Variants in UBE3A observed in about 807,000 individuals in gnomAD.
UBE3A encodes ubiquitin-protein ligase E3A.
UBE3A carries 6 observed loss-of-function variants against 83.4 expected under a neutral mutation model. The ratio of observed to expected loss-of-function variants is 0.07; its 90% confidence interval spans 0.04 to 0.14. UBE3A has a LOEUF of 0.14. Ranked by LOEUF, UBE3A falls within the 10% of genes least tolerant of loss-of-function variation. UBE3A has a pLI of 1.00. For missense variants in UBE3A, 456 were observed against 1,036.1 expected, an observed-to-expected ratio of 0.44 and a Z score of 7.69; for synonymous variants, 337 against 355.4, an observed-to-expected ratio of 0.95 and a Z score of 0.58.
At chr15:25,362,452 T>A (rs2078271286) in intron 6 of UBE3A, among the ~76,000 whole-genome samples, 1 of 152,186 alleles carries the variant, frequency 6.6e-6, no homozygotes, top group African/African-American at 2.4e-5. Flanking sequence ...GCGATTCAAT[T>A]AAGCCTCAGT....
intron 4 of UBE3A, among the ~76,000 whole-genome samples, chr15:25,385,803 G>C (rs139718802): frequency 1.5e-4 from 23 of 152,118 alleles, no homozygotes; most frequent in African/African-American, 5.5e-4. Context: ...ACAAATTGAT[G>C]AAGGCTCAGT....
At chr15:25,344,964 A>T (rs891776611) in intron 11 of UBE3A, among the ~76,000 whole-genome samples, 2 of 152,064 alleles carry the variant, frequency 1.3e-5, no homozygotes, top group African/African-American at 2.4e-5. Context: ...TATTATTATT[A>T]TTTTTTGTTT....
intron 1 of UBE3A, among the ~76,000 whole-genome samples, chr15:25,425,196 A>G (rs1335292088): frequency 6.6e-6 from 1 of 152,192 alleles, no homozygotes; most frequent in Non-Finnish European, 1.5e-5. Context: ...GGTAAGTAAA[A>G]GAACCCACAC....
intron 1 of UBE3A, among the ~76,000 whole-genome samples, chr15:25,423,310 G>A (rs1370363012): frequency 6.6e-6 from 1 of 152,082 alleles, no homozygotes; most frequent in Non-Finnish European, 1.5e-5. Flanking sequence ...CAAGGTAAAT[G>A]AGCAGTCCCT....
chr15:25,339,118 TA>T lies in UBE3A; in HGVS notation c.*18del. ...TTTTTTTCCTTCCTTTTTTTTGTTT[TA>T]TTTTGTTTTGTTTTGTTTTACAGCA... On this transcript the variant is annotated 3_prime_UTR_variant, in exon 13 of 13. Transcript: ENST00000648336. 6.6e-7 allele frequency: 1 copy of T among 1,509,772 alleles called. No homozygotes were observed. Among genetic ancestry groups the T allele is most frequent in the Non-Finnish European group, 8.8e-7 (1 of 1,131,828 alleles). 93.5% of individuals were successfully genotyped at this position (1,509,772 alleles called of 1,614,324 possible).
At chr15:25,393,814 G>A (rs1426812958) in intron 4 of UBE3A, 1 of 152,180 alleles carries the variant, frequency 6.6e-6, no homozygotes, top group Non-Finnish European at 1.5e-5. Context: ...ACTATGACTC[G>A]TGTCACTTCC....
rs1006070231 is a variant in UBE3A, at chr15:25,349,703, T to G, written c.2354+4650A>C. Among the ~76,000 whole-genome samples the G allele has an allele frequency of 5.9e-5, 9 of 152,354 alleles. No individual in the cohort carries two copies. The East Asian group carries it at 1.7e-3, about 29-fold the overall frequency. The stretch of plus-strand genomic sequence containing the variant: ...AACATATGATTTTTAAATTCTTTCC[T>G]TAAAGGAAGCACTTTCCAGCTTCTC... On this transcript the variant is annotated intron_variant, in intron 11 of 12. Transcript: ENST00000648336.
intron 1 of UBE3A, among the ~76,000 whole-genome samples, chr15:25,434,135 A>AATT (rs1427380345): frequency 2.0e-5 from 3 of 152,184 alleles, no homozygotes; most frequent in African/African-American, 7.2e-5. Context: ...TAGGCCTAAT[A>AATT]ATTAATAAGC....
intron 1 of UBE3A, among the ~76,000 whole-genome samples, chr15:25,432,017 G>A (rs1338704837): frequency 6.6e-6 from 1 of 152,106 alleles, no homozygotes; most frequent in African/African-American, 2.4e-5. Flanking sequence ...TTCATCCTTT[G>A]CTTTCTAAAG....
intron 1 of UBE3A, among the ~76,000 whole-genome samples, chr15:25,435,633 G>A (rs747237314): frequency 6.6e-6 from 1 of 152,150 alleles, no homozygotes; most frequent in Admixed American, 6.5e-5. Context: ...CAAGGGAAGA[G>A]GGCCCTCACT....
At chr15:25,348,108 C>CTTAT (rs1217929800) in intron 11 of UBE3A, among the ~76,000 whole-genome samples, 1 of 151,680 alleles carries the variant, frequency 6.6e-6, no homozygotes, top group East Asian at 1.9e-4. Context: ...ACAGAAAAAA[C>CTTAT]TTATATAATG....
chr15:25,412,681 T>G (rs1382178145), intron 1 of UBE3A, among the ~76,000 whole-genome samples: 2 of 151,224 alleles, frequency 1.3e-5, no homozygotes, highest in Non-Finnish European at 2.9e-5. Flanking sequence ...ATAAAGTCCT[T>G]TCATGTACTG....
chr15:25,425,006 C>A (rs1279404325), intron 1 of UBE3A, among the ~76,000 whole-genome samples: 1 of 152,006 alleles, frequency 6.6e-6, no homozygotes, highest in Non-Finnish European at 1.5e-5. Context: ...TGCAAGCTAA[C>A]CCTAAAATTC....
intron 11 of UBE3A, chr15:25,354,022 G>A (rs2076891040): frequency 2.7e-6 from 1 of 371,802 alleles, no homozygotes; most frequent in Non-Finnish European, 5.0e-6. Context: ...GAGTTCAAAA[G>A]AAAGGAAAAA....
At chr15:25,416,094 C>G (rs2090865624) in intron 1 of UBE3A, among the ~76,000 whole-genome samples, 1 of 152,044 alleles carries the variant, frequency 6.6e-6, no homozygotes, top group African/African-American at 2.4e-5. Flanking sequence ...TTAAAATCGG[C>G]ATGCCTTTAA....
At chr15:25,340,983 C>T (rs750244609) in intron 11 of UBE3A, among the ~76,000 whole-genome samples, 42 of 152,006 alleles carry the variant, frequency 2.8e-4, no homozygotes, top group Admixed American at 9.2e-4. Context: ...TTCTAAAAAA[C>T]GAAATACAAG....
Position 25,339,125 on chromosome 15 carries a change from T to TTTTG in UBE3A, c.*8_*11dup, listed in dbSNP as rs2074282819. ...CCTTCCTTTTTTTTGTTTTATTTTG[T>TTTTG]TTTGTTTTGTTTTACAGCATGCCAA... On this transcript the variant is annotated 3_prime_UTR_variant, in exon 13 of 13. Coordinates refer to ENST00000648336, the MANE Select transcript of UBE3A (RefSeq NM_130839.5). The TTTTG allele has an allele frequency of 1.3e-6, 2 of 1,527,646 alleles. No individual in the cohort carries two copies. The highest frequency in any genetic ancestry group is 2.1e-4 in the Middle Eastern group (1 of 4,820). The allele number at this position is 1,527,646 out of a possible 1,614,324, so 94.6% of individuals were successfully genotyped here. A position where few individuals can be genotyped will look rare whatever the true frequency, so the allele number is the denominator to read the frequency against.
chr15:25,408,471 A>G lies in UBE3A; in HGVS notation c.20+617T>C, dbSNP rs559505731. On this transcript the variant is annotated intron_variant, in intron 3 of 12. Transcript: ENST00000648336. ...AAGTCAGAAATTTTAAAACTGAAAC[A>G]ATAACCAAATAACATTGGATAATAA... The G allele has an allele frequency of 3.3e-5, 37 of 1,106,820 alleles. No individual in the cohort carries two copies. In the East Asian group the frequency reaches 9.2e-4, roughly 27 times the overall value. The allele number at this position is 1,106,820 out of a possible 1,614,324, so 68.6% of individuals were successfully genotyped here. A position where few individuals can be genotyped will look rare whatever the true frequency, so the allele number is the denominator to read the frequency against.
At chr15:25,354,263 G>A (rs1595567564) in intron 11 of UBE3A, 90 bp downstream of exon 11, 1 of 1,130,354 alleles carries the variant, frequency 8.8e-7, no homozygotes. Flanking sequence ...TTGCTTATTT[G>A]GGAATTAGTA....
Sources: allele counts gnomAD v4.1 joint callset (sites outside exome capture counted in the v4.1 genomes callset), GRCh38; gene constraint gnomAD v4.1.1; transcripts MANE v1.5; gene names NCBI Gene and HGNC (gene_info 2026-07-23, HGNC 2026-07-21).